Variants in KCNIP4 observed in about 807,000 individuals in gnomAD.
KCNIP4 encodes potassium voltage-gated channel interacting protein 4.
Under a neutral mutation model 34.0 loss-of-function variants are expected in KCNIP4, and 12 were observed. That is an observed-to-expected ratio of 0.35 (90% CI 0.23 to 0.57). The LOEUF is 0.57. Among genes scored for constraint, KCNIP4 ranks in the 20% least tolerant of loss-of-function variants. KCNIP4 has a pLI of 0.83. For missense variants in KCNIP4, 238 were observed against 311.7 expected (o/e 0.76, Z 1.78); for synonymous variants, 124 against 102.2 (o/e 1.21, Z -1.29).
At chr4:21,637,566 T>C (rs1746288445) in intron 1 of KCNIP4, among the ~76,000 whole-genome samples, 1 of 150,074 alleles carries the variant, frequency 6.7e-6, no homozygotes, top group South Asian at 2.1e-4. Context: ...GTGGATGGCT[T>C]GCGGATAGGC....
chr4:20,758,968 C>G, intron 3 of KCNIP4, 78 bp from the exon 4 acceptor site: 1 of 1,100,818 alleles, frequency 9.1e-7, no homozygotes, highest in Middle Eastern at 2.0e-4. Flanking sequence ...TGAAACAGAA[C>G]TGTCTACCAT....
At chr4:20,867,863 C>T (rs1306312409) in intron 2 of KCNIP4, among the ~76,000 whole-genome samples, 1 of 152,018 alleles carries the variant, frequency 6.6e-6, no homozygotes, top group Non-Finnish European at 1.5e-5. Context: ...AAGAACATCA[C>T]ACACTGGGGC....
intron 1 of KCNIP4, among the ~76,000 whole-genome samples, chr4:21,498,882 C>G (rs1733068397): frequency 6.6e-6 from 1 of 152,022 alleles, no homozygotes; most frequent in South Asian, 2.1e-4. Context: ...AAAGAAAAAA[C>G]AAACAAACAA....
At chr4:21,789,425 C>A (rs1447430248) in intron 1 of KCNIP4, among the ~76,000 whole-genome samples, 1 of 152,190 alleles carries the variant, frequency 6.6e-6, no homozygotes, top group Non-Finnish European at 1.5e-5. Context: ...AAAACCACCA[C>A]TAGATGGCGG....
intron 1 of KCNIP4, among the ~76,000 whole-genome samples, chr4:21,611,067 T>C (rs142938190): frequency 0.011 from 1,642 of 151,836 alleles, 29 homozygotes; most frequent in African/African-American, 0.036. Flanking sequence ...GAACATGTGG[T>C]GTTTGGTTTT....
intron 4 of KCNIP4, among the ~76,000 whole-genome samples, chr4:20,755,056 T>C (rs961937811): frequency 6.6e-6 from 1 of 152,144 alleles, no homozygotes; most frequent in African/African-American, 2.4e-5. Context: ...GACAGTGAAC[T>C]CATTATAATC....
At chr4:21,897,954 G>C (rs1373080597) in intron 1 of KCNIP4, among the ~76,000 whole-genome samples, 2 of 152,156 alleles carry the variant, frequency 1.3e-5, no homozygotes, top group Non-Finnish European at 1.5e-5. Flanking sequence ...CTGTGTGTTT[G>C]GGGGAGGGAA....
intron 1 of KCNIP4, among the ~76,000 whole-genome samples, chr4:21,923,983 G>A (rs1729087125): frequency 6.6e-6 from 1 of 152,168 alleles, no homozygotes; most frequent in Non-Finnish European, 1.5e-5. Context: ...CCACAGAAGA[G>A]AGTCAGGTAT....
chr4:21,128,593 G>A (rs1750806821), intron 1 of KCNIP4, among the ~76,000 whole-genome samples: 1 of 152,032 alleles, frequency 6.6e-6, no homozygotes, highest in Non-Finnish European at 1.5e-5. Flanking sequence ...TCATAAACCC[G>A]GTGCCTAGAA....
At chr4:21,794,262 TA>T (rs201988809) in intron 1 of KCNIP4, among the ~76,000 whole-genome samples, 6,969 of 152,078 alleles carry the variant, frequency 0.046, 229 homozygotes, top group Middle Eastern at 0.11. Context: ...CCCCAAAACT[TA>T]AAGTATAATT....
chr4:21,491,423 G>T (rs548559822), intron 1 of KCNIP4, among the ~76,000 whole-genome samples: 1 of 152,308 alleles, frequency 6.6e-6, no homozygotes, highest in African/African-American at 2.4e-5. Context: ...TGCCCAGGCT[G>T]GAGTGCAATG....
chr4:21,449,689 C>T (rs34289367), intron 1 of KCNIP4, among the ~76,000 whole-genome samples: 8,113 of 151,816 alleles, frequency 0.053, 292 homozygotes, highest in South Asian at 0.085. Context: ...TTGTCTCCCT[C>T]ACCATTGCAA....
chr4:21,786,573 T>TG (rs1719928958), intron 1 of KCNIP4, among the ~76,000 whole-genome samples: 1 of 3,396 alleles, frequency 2.9e-4, no homozygotes, highest in South Asian at 9.6e-3. Context: ...AGAGTCACTC[T>TG]TTTTTTTTTT....
chr4:20,759,858 T>G (rs1208421730), intron 3 of KCNIP4, among the ~76,000 whole-genome samples: 2 of 152,108 alleles, frequency 1.3e-5, no homozygotes, highest in African/African-American at 2.4e-5. Flanking sequence ...TCATGTGAGA[T>G]ATTAACTGTA....
intron 1 of KCNIP4, among the ~76,000 whole-genome samples, chr4:21,859,613 G>A (rs1315050005): frequency 7.1e-6 from 1 of 141,522 alleles, no homozygotes; most frequent in African/African-American, 2.5e-5. Context: ...GGGCGACAGA[G>A]CAAGACTCCA....
intron 1 of KCNIP4, among the ~76,000 whole-genome samples, chr4:21,192,952 C>CTACTAATAATAATAA (rs757200407): frequency 5.2e-4 from 75 of 145,112 alleles, no homozygotes; most frequent in African/African-American, 1.9e-3. Context: ...ACTACTACTA[C>CTACTAATAATAATAA]TAATAATAAT....
At chr4:21,307,802 A>T (rs1451908466) in intron 1 of KCNIP4, among the ~76,000 whole-genome samples, 1 of 152,122 alleles carries the variant, frequency 6.6e-6, no homozygotes, top group Non-Finnish European at 1.5e-5. Context: ...TTTTAAGGTG[A>T]GCCATGAGCA....
At chr4:21,330,530 C>A (rs1715524012) in intron 1 of KCNIP4, among the ~76,000 whole-genome samples, 1 of 152,152 alleles carries the variant, frequency 6.6e-6, no homozygotes, top group Non-Finnish European at 1.5e-5. Context: ...TGATGACATT[C>A]ATTTTGCCAG....
At chr4:21,856,310 G>C (rs1299372821) in intron 1 of KCNIP4, among the ~76,000 whole-genome samples, 1 of 152,196 alleles carries the variant, frequency 6.6e-6, no homozygotes, top group Non-Finnish European at 1.5e-5. Flanking sequence ...AATCCCAAAT[G>C]GGGATTAAAT....
Sources: allele counts gnomAD v4.1 joint callset (sites outside exome capture counted in the v4.1 genomes callset), GRCh38; gene constraint gnomAD v4.1.1; transcripts MANE v1.5; gene names NCBI Gene and HGNC (gene_info 2026-07-23, HGNC 2026-07-21).